DCTN6: variants seen among roughly 807,000 people sequenced by gnomAD.
DCTN6 encodes the protein dynactin 6.
DCTN6 carries 15 observed loss-of-function variants against 25.8 expected under a neutral mutation model. The observed-to-expected ratio is 0.58, with a 90% CI of 0.39 to 0.89. The LOEUF is 0.89. Among genes scored for constraint, DCTN6 ranks in the 40% least tolerant of loss-of-function variants. The pLI, the probability that DCTN6 is intolerant of heterozygous loss-of-function variation, is 0.00. For synonymous variants in DCTN6, 64 were observed against 78.3 expected, an observed-to-expected ratio of 0.82 and a Z score of 0.96; for missense variants, 198 against 237.6, an observed-to-expected ratio of 0.83 and a Z score of 1.09.
intron 1 of DCTN6, among the ~76,000 whole-genome samples, chr8:30,161,268 GA>G (rs1034737686): frequency 6.6e-6 from 1 of 152,070 alleles, no homozygotes; most frequent in African/African-American, 2.4e-5. Flanking sequence ...CAGTCATGTG[GA>G]ACTGTGAGTC....
chr8:30,170,048 C>T (rs1803742023), intron 2 of DCTN6, among the ~76,000 whole-genome samples: 1 of 152,042 alleles, frequency 6.6e-6, no homozygotes, highest in Non-Finnish European at 1.5e-5. Context: ...TGGTGGGCTC[C>T]TGTAGTCCCA....
intron 2 of DCTN6, among the ~76,000 whole-genome samples, chr8:30,168,895 C>G (rs76040716): frequency 0.038 from 5,817 of 152,240 alleles, 230 homozygotes; most frequent in East Asian, 0.24. Flanking sequence ...TAGCATCAAG[C>G]CTATTTTTAG....
chr8:30,183,427 G>T lies in DCTN6; in HGVS notation c.*254G>T, dbSNP rs533864983. On this transcript the variant is annotated 3_prime_UTR_variant, in exon 7 of 7. Transcript: ENST00000221114. ...TAGCTTTTCTTTTGTTATATAAACT[G>T]CTAGCCACAAATTTTAGTTATGTAA... The T allele has an allele frequency of 3.5e-6, 1 of 283,590 alleles. No homozygotes were observed. Among genetic ancestry groups the T allele is most frequent in the African/African-American group, 2.2e-5 (1 of 45,130 alleles). 17.6% of individuals were successfully genotyped at this position (283,590 alleles called of 1,614,324 possible).
chr8:30,180,582 GATCT>G lies in DCTN6; in HGVS notation c.429_432del (p.Ile143MetfsTer24). 6.2e-7 allele frequency: 1 copy of G among 1,614,096 alleles called. No individual in the cohort carries two copies. The highest frequency in any genetic ancestry group is 1.1e-5 in the South Asian group (1 of 91,082). On this transcript the variant is annotated frameshift_variant, in exon 6 of 7. Coordinates refer to ENST00000221114, the MANE Select transcript of DCTN6 (RefSeq NM_006571.4). LOFTEE classifies it high-confidence loss of function. ...TTGAAGTCATCCCTGAGAATACGGT[GATCT>G]ATGGTGCAGACTGCCTTCGTCGGGT...
In DCTN6 at chr8:30,169,570, G is replaced by A. The variant is rs555218748; in HGVS notation, c.88+5395G>A. 6.6e-5 allele frequency among the ~76,000 whole-genome samples: 10 copies of A among 152,252 alleles called. No individual in the cohort carries two copies. The East Asian group carries it at 7.7e-4, about 12-fold the overall frequency. ...AGTAAGAAAATACACAAACTACCCC[G>A]CCAGAAGGAGCGCCAGGGTTCACAG... On this transcript the variant is annotated intron_variant, in intron 2 of 6. Transcript: ENST00000221114.
rs187389761 is a variant in DCTN6, at chr8:30,164,745, C to T, written c.88+570C>T. 9.8e-5 allele frequency among the ~76,000 whole-genome samples: 15 copies of T among 152,294 alleles called. No individual in the cohort carries two copies. In the East Asian group the frequency reaches 1.7e-3, roughly 18 times the overall value. ...TCAAGGTGAGTAATGGAGGGCTGAT[C>T]GGTTGATTGTCCAGCATGGAGCTCC... On this transcript the variant is annotated intron_variant, in intron 2 of 6. Transcript: ENST00000221114.
intron 2 of DCTN6, among the ~76,000 whole-genome samples, chr8:30,164,746 G>A (rs913442947): frequency 5.3e-5 from 8 of 152,216 alleles, no homozygotes; most frequent in African/African-American, 1.9e-4. Context: ...AGGGCTGATC[G>A]GTTGATTGTC....
In DCTN6 at chr8:30,177,161, C is replaced by T. The variant is rs1209133539; in HGVS notation, c.230C>T (p.Pro77Leu). The T allele has an allele frequency of 2.5e-6, 4 of 1,613,776 alleles. No individual in the cohort carries two copies. Among genetic ancestry groups the T allele is most frequent in the Admixed American group, 1.7e-5 (1 of 59,988 alleles). Residue 77 changes from proline (P) to leucine (L), a missense_variant, in exon 4 of 7, where the codon CCA (proline) becomes CTA (leucine). Coordinates refer to ENST00000221114, the MANE Select transcript of DCTN6 (RefSeq NM_006571.4). ...AATATCACTCCTGACACTGAAGATC[C>T]AGAACCAAAACCTATGATCATTGGC... Reference protein sequence around the residue: ...PDNITPDTEDPEPKPMIIGTN... With the variant: ...PDNITPDTEDLEPKPMIIGTN...
At position 30,175,164 on chromosome 8, in the gene DCTN6, A is replaced by G. The variant is rs1563230890; in HGVS notation, c.168A>G (p.Ile56Met). The change falls in exon 3 of 7, where the codon ATA (isoleucine) becomes ATG (methionine). Residue 56 changes from isoleucine (I) to methionine (M), a missense_variant. Physicochemically the swap from Ile to Met is conservative, Grantham distance 10 (BLOSUM62 1). Coordinates refer to ENST00000221114, the MANE Select transcript of DCTN6 (RefSeq NM_006571.4). The stretch of plus-strand genomic sequence containing the variant: ...TAGTGATTGGCGAAGGGAACCTAAT[A>G]GAAGAACAGGCCCTTATCATAAATG... ...GPIVIGEGNL[I>M]EEQALIINAY... is the part of the protein sequence containing the mutation. The G allele has an allele frequency of 1.2e-6, 2 of 1,614,142 alleles. No individual in the cohort carries two copies. Among genetic ancestry groups the G allele is most frequent in the Non-Finnish European group, 1.7e-6 (2 of 1,180,002 alleles).
chr8:30,177,212 G>T lies in DCTN6; in HGVS notation c.281G>T (p.Cys94Phe). Residue 94 changes from cysteine (C) to phenylalanine (F), a missense_variant and splice_region_variant, in exon 4 of 7, where the codon TGT becomes TTT. By Grantham distance (205) the Cys-to-Phe change is radical (BLOSUM62 -2). Transcript: ENST00000221114. Reference sequence around the variant, plus strand: ...ACCAATAATGTGTTTGAAGTTGGCTGTTGTATCCTTTACAATAATCTACCA... The same window carrying T: ...ACCAATAATGTGTTTGAAGTTGGCTTTTGTATCCTTTACAATAATCTACCA... Reference protein sequence around the residue: ...IGTNNVFEVGCYSQAMKMGDN... With the variant: ...IGTNNVFEVGFYSQAMKMGDN... 6.2e-7 allele frequency: 1 copy of T among 1,612,110 alleles called. No individual in the cohort carries two copies. The highest frequency in any genetic ancestry group is 8.5e-7 in the Non-Finnish European group (1 of 1,178,706).
chr8:30,166,900 G>A lies in DCTN6; in HGVS notation c.88+2725G>A, dbSNP rs979226668. Among the ~76,000 whole-genome samples, 14 of 151,846 alleles carry A rather than the reference G, an allele frequency of 9.2e-5. No homozygotes were observed. In the East Asian group the frequency reaches 1.9e-3, roughly 21 times the overall value. On this transcript the variant is annotated intron_variant, in intron 2 of 6. Coordinates refer to ENST00000221114, the MANE Select transcript of DCTN6 (RefSeq NM_006571.4). ...TCACTTTAGCTCAAGAGTTCAAGACGAGTGTGGAAAATATAGTGGGACCAG... is the reference window on the plus strand; with the variant it reads ...TCACTTTAGCTCAAGAGTTCAAGACAAGTGTGGAAAATATAGTGGGACCAG...
intron 4 of DCTN6, among the ~76,000 whole-genome samples, chr8:30,178,355 C>A (rs183859694): frequency 3.3e-5 from 5 of 151,278 alleles, no homozygotes; most frequent in African/African-American, 1.2e-4. Context: ...CCCAGCTACT[C>A]GGGAGGCTGA....
intron 2 of DCTN6, among the ~76,000 whole-genome samples, chr8:30,164,768 T>C (rs1479447877): frequency 1.3e-5 from 2 of 152,210 alleles, no homozygotes; most frequent in Non-Finnish European, 2.9e-5. Flanking sequence ...AGCATGGAGC[T>C]CCGGCCCTGC....
intron 2 of DCTN6, among the ~76,000 whole-genome samples, chr8:30,171,689 A>C (rs1181017174): frequency 6.6e-6 from 1 of 152,104 alleles, no homozygotes; most frequent in African/African-American, 2.4e-5. Context: ...TAGAGGTGCA[A>C]AGTGGTTCAT....
intron 2 of DCTN6, among the ~76,000 whole-genome samples, chr8:30,170,201 A>C (rs1803745100): frequency 6.6e-6 from 1 of 152,070 alleles, no homozygotes; most frequent in African/African-American, 2.4e-5. Context: ...TCACCAAACC[A>C]AAATCTAGCG....
Position 30,180,627 on chromosome 8 carries a change from G to A in DCTN6, c.471G>A (p.Pro157=), listed in dbSNP as rs780426447. ...DCLRRVQTER[P]QPQTLQLDFL... ...TTCGTCGGGTGCAGACTGAGCGACC[G>A]CAGGTACTAGAACCTCTCTTTAAAA... The change falls in exon 6 of 7, where the codon CCG becomes CCA. Residue 157 remains proline (P), a synonymous_variant. Coordinates refer to ENST00000221114, the MANE Select transcript of DCTN6 (RefSeq NM_006571.4). The A allele has an allele frequency of 3.8e-5, 62 of 1,613,718 alleles. 1 individual carries two copies. In the South Asian group the frequency reaches 3.8e-4, roughly 10 times the overall value.
chr8:30,175,136 C>T lies in DCTN6; in HGVS notation c.140C>T (p.Pro47Leu), dbSNP rs919892517. 1 of 1,614,112 alleles carries T rather than the reference C, an allele frequency of 6.2e-7. No homozygotes were observed. The highest frequency in any genetic ancestry group is 8.5e-7 in the Non-Finnish European group (1 of 1,180,020). Residue 47 changes from proline (P) to leucine (L), a missense_variant, in exon 3 of 7, where the codon CCA becomes CTA. Coordinates refer to ENST00000221114, the MANE Select transcript of DCTN6 (RefSeq NM_006571.4). The stretch of plus-strand genomic sequence containing the variant: ...GCAAGAATTATTGCGGAAGCCGGGC[C>T]AATAGTGATTGGCGAAGGGAACCTA... ...PKARIIAEAG[P>L]IVIGEGNLIE...
At chr8:30,164,224 C>A (rs1313818902) in intron 2 of DCTN6, 49 bp downstream of exon 2, 3 of 1,404,750 alleles carry the variant, frequency 2.1e-6, no homozygotes, top group East Asian at 4.6e-5. Flanking sequence ...GTGATTTAAT[C>A]TATTTTAGTG....
chr8:30,183,255 C>T lies in DCTN6; in HGVS notation c.*82C>T. The T allele has an allele frequency of 2.7e-6, 3 of 1,107,888 alleles. No homozygotes were observed. Among genetic ancestry groups the T allele is most frequent in the Non-Finnish European group, 2.7e-6 (2 of 750,574 alleles). 68.6% of individuals were successfully genotyped at this position (1,107,888 alleles called of 1,614,324 possible). Reference sequence around the variant, plus strand: ...GCCCACAGTGTTTATGTACTCTTAACAACTCACAGAATAATACATGTTCAC... The same window carrying T: ...GCCCACAGTGTTTATGTACTCTTAATAACTCACAGAATAATACATGTTCAC... On this transcript the variant is annotated 3_prime_UTR_variant, in exon 7 of 7. Coordinates refer to ENST00000221114, the MANE Select transcript of DCTN6 (RefSeq NM_006571.4).
Sources: allele counts gnomAD v4.1 joint callset (sites outside exome capture counted in the v4.1 genomes callset), GRCh38; gene constraint gnomAD v4.1.1; transcripts MANE v1.5; gene names NCBI Gene and HGNC (gene_info 2026-07-23, HGNC 2026-07-21).